Variants in SLC26A3 observed in about 807,000 individuals in gnomAD.
SLC26A3 encodes the protein chloride anion exchanger.
A neutral mutation model predicts 85.6 loss-of-function variants in SLC26A3; 64 were observed. The ratio of observed to expected loss-of-function variants is 0.75; its 90% confidence interval spans 0.61 to 0.92. The LOEUF (loss-of-function observed/expected upper bound fraction) is 0.92, where lower values mean the gene tolerates loss of function less well. SLC26A3 is among the 40% of genes least tolerant of loss of function. The pLI is 0.00. For missense variants in SLC26A3, 922 were observed against 927.3 expected, an observed-to-expected ratio of 0.99 and a Z score of 0.07; for synonymous variants, 349 against 336.0, an observed-to-expected ratio of 1.04 and a Z score of -0.42.
chr7:107,794,179 C>A (rs890799594), intron 2 of SLC26A3, among the ~76,000 whole-genome samples, 200 bp downstream of exon 2: 1 of 152,052 alleles, frequency 6.6e-6, no homozygotes, highest in Non-Finnish European at 1.5e-5. Flanking sequence ...TTGGAAAGAC[C>A]GTGTTGATAA....
At chr7:107,766,114 C>G (rs1164667483) in intron 20 of SLC26A3, among the ~76,000 whole-genome samples, 1 of 152,174 alleles carries the variant, frequency 6.6e-6, no homozygotes, top group East Asian at 1.9e-4. Context: ...CAATATCTTT[C>G]TTCACATTTA....
chr7:107,765,921 G>A lies in SLC26A3; in HGVS notation c.2272-43C>T, dbSNP rs539391486. 5.1e-6 allele frequency: 8 copies of A among 1,567,564 alleles called. No homozygotes were observed. The East Asian group carries it at 9.0e-5, about 18-fold the overall frequency. On this transcript the variant is annotated intron_variant, in intron 20 of 20. Coordinates refer to ENST00000340010, the MANE Select transcript of SLC26A3 (RefSeq NM_000111.3). ...GTTCTTGTTTTAAAATACTCGTCAA[G>A]TTCTGTTACAATAATCACATCTTAG...
chr7:107,789,689 C>T lies in SLC26A3; in HGVS notation c.571-1G>A, dbSNP rs386833485. On this transcript the variant is annotated splice_acceptor_variant, in intron 5 of 20. Coordinates refer to ENST00000340010, the MANE Select transcript of SLC26A3 (RefSeq NM_000111.3). LOFTEE classifies it high-confidence loss of function. ...CAATCCGCAGAATCCCAAAAGCCAACTGGAAAGAGAACAAAAGCCTTTGTC... is the reference window on the plus strand; with the variant it reads ...CAATCCGCAGAATCCCAAAAGCCAATTGGAAAGAGAACAAAAGCCTTTGTC... 4 of 1,612,456 alleles carry T rather than the reference C, an allele frequency of 2.5e-6. No homozygotes were observed. The Admixed American group carries it at 5.0e-5, about 20-fold the overall frequency.
At chr7:107,768,019 T>C in intron 18 of SLC26A3, 111 bp from the exon 19 acceptor site, 1 of 965,414 alleles carries the variant, frequency 1.0e-6, no homozygotes, top group Admixed American at 2.0e-5. Flanking sequence ...TTCATTGACA[T>C]TTGGTTAAGT....
In SLC26A3 at chr7:107,797,167, GGC is replaced by G. The variant is rs1491056987; in HGVS notation, c.-88-2572_-88-2571del. 3.9e-3 allele frequency among the ~76,000 whole-genome samples: 591 copies of G among 152,244 alleles called. 5 individuals are homozygous for G. Among genetic ancestry groups the G allele is most frequent in the African/African-American group, 0.013 (548 of 41,522 alleles). On this transcript the variant is annotated intron_variant, in intron 1 of 20. Coordinates refer to ENST00000340010, the MANE Select transcript of SLC26A3 (RefSeq NM_000111.3). The stretch of plus-strand genomic sequence containing the variant: ...CTCATACCCAAGCACTGCCTGCAAG[GGC>G]CCTGCTCAGGGTAGGAATCAGGGGA...
chr7:107,778,240 T>C lies in SLC26A3; in HGVS notation c.1449A>G (p.Gly483=). 6.2e-7 allele frequency: 1 copy of C among 1,613,496 alleles called. No homozygotes were observed. Among genetic ancestry groups the C allele is most frequent in the South Asian group, 1.1e-5 (1 of 91,012 alleles). ...CACTAGCTGCCAGGCCTAACCCGAG[T>C]CCCAGGACAATGGTGAAGATGAAGG... ...IMTFIFTIVL[G]LGLGLAASVA... is the part of the protein sequence containing the mutation. Residue 483 remains glycine, a synonymous_variant, in exon 13 of 21, where the codon GGA becomes GGG. Coordinates refer to ENST00000340010, the MANE Select transcript of SLC26A3 (RefSeq NM_000111.3).
chr7:107,773,859 CA>C, intron 17 of SLC26A3, 60 bp downstream of exon 17: 1 of 1,401,420 alleles, frequency 7.1e-7, no homozygotes. Context: ...CCCACAAATA[CA>C]ATTTTTTTTT....
In SLC26A3 at chr7:107,783,030, T is replaced by C. The variant is rs1794236603; in HGVS notation, c.1183A>G (p.Thr395Ala). ...CGVFRGFAGS[T>A]ALSRSAVQES... ...TGAACTGCTGATCTGGAGAGGGCAG[T>C]ACTCCCAGCAAATCCTCTGAATACT... The change falls in exon 10 of 21, where the codon ACT becomes GCT. Residue 395 changes from threonine to alanine, a missense_variant. Transcript: ENST00000340010. 1 of 1,614,094 alleles carries C rather than the reference T, an allele frequency of 6.2e-7. No homozygotes were observed. Among genetic ancestry groups the C allele is most frequent in the African/African-American group, 1.3e-5 (1 of 74,940 alleles).
rs765515301 is a variant in SLC26A3 at position 107,774,062 on chromosome 7, G to T, written c.1865C>A (p.Thr622Asn). 6.2e-7 allele frequency: 1 copy of T among 1,614,138 alleles called. No individual in the cohort carries two copies. Among genetic ancestry groups the T allele is most frequent in the African/African-American group, 1.3e-5 (1 of 75,052 alleles). Reference protein sequence around the residue: ...QIEVLDQPINTTDLPFHIDWN... With the variant: ...QIEVLDQPINNTDLPFHIDWN... ...GTCAATGTGGAAAGGCAGGTCTGTG[G>T]TATTGATTGGCTGGTCCAGTACTTC... The change falls in exon 17 of 21, where the codon ACC (threonine) becomes AAC (asparagine). Residue 622 changes from threonine (T) to asparagine (N), a missense_variant. Transcript: ENST00000340010.
intron 1 of SLC26A3, among the ~76,000 whole-genome samples, chr7:107,801,956 G>T (rs1195874980): frequency 1.3e-5 from 2 of 150,986 alleles, no homozygotes; most frequent in Non-Finnish European, 2.9e-5. Context: ...GCCAGGCACA[G>T]TGGAGCGTGC....
chr7:107,782,399 G>A (rs1203383761), intron 11 of SLC26A3, among the ~76,000 whole-genome samples: 1 of 152,196 alleles, frequency 6.6e-6, no homozygotes, highest in Non-Finnish European at 1.5e-5. Flanking sequence ...TTCAGGGTGT[G>A]TTCCTAAGAA....
At chr7:107,767,697 G>T (rs1793937452) in intron 19 of SLC26A3, 53 bp from the exon 20 acceptor site, 1 of 1,606,870 alleles carries the variant, frequency 6.2e-7, no homozygotes, top group East Asian at 2.2e-5. Context: ...TTTTAATGTT[G>T]AAAAAGAGAA....
chr7:107,797,871 T>A (rs775471663), intron 1 of SLC26A3, among the ~76,000 whole-genome samples: 1 of 152,052 alleles, frequency 6.6e-6, no homozygotes, highest in Non-Finnish European at 1.5e-5. Flanking sequence ...AGTTACATTT[T>A]TGCCAGAAAT....
intron 18 of SLC26A3, among the ~76,000 whole-genome samples, chr7:107,771,613 A>T (rs1421260418): frequency 6.6e-6 from 1 of 152,156 alleles, no homozygotes; most frequent in East Asian, 1.9e-4. Flanking sequence ...ATGCTCAGGT[A>T]AGCTGCTGCA....
At chr7:107,781,389 A>G (rs1479047397) in intron 11 of SLC26A3, among the ~76,000 whole-genome samples, 9 of 152,194 alleles carry the variant, frequency 5.9e-5, no homozygotes, top group Middle Eastern at 3.2e-3. Context: ...TGGCCTAAAA[A>G]GAACATATCA....
In SLC26A3 at chr7:107,803,115, CACAT is replaced by C. The variant is rs549855616; in HGVS notation, c.-97_-94del. 4 of 152,424 alleles carry C rather than the reference CACAT, an allele frequency of 2.6e-5. No homozygotes were observed. The highest frequency in any genetic ancestry group is 9.6e-5 in the African/African-American group (4 of 41,566). The allele number at this position is 152,424 out of a possible 1,614,324, so 9.4% of individuals were successfully genotyped here. Reference sequence around the variant, plus strand: ...AATCATAAATTTGGTTCCTACCTGACACATACTCTGTGAGGAGCTTCTGCAACAG... The same window carrying C: ...AATCATAAATTTGGTTCCTACCTGACACTCTGTGAGGAGCTTCTGCAACAG... On this transcript the variant is annotated 5_prime_UTR_variant, in exon 1 of 21. The change abolishes an upstream ATG in the 5' untranslated region. Coordinates refer to ENST00000340010, the MANE Select transcript of SLC26A3 (RefSeq NM_000111.3).
At position 107,779,849 on chromosome 7, in the gene SLC26A3, TGCTTTAAAGG is replaced by T. The variant is rs1794187053; in HGVS notation, c.1312-96_1312-87del. Reference sequence around the variant, plus strand: ...AAGGTGAAGGCTATAGATAAGTGTGTGCTTTAAAGGGCCTCAAAGCAAATCAAAGCATTAC... The same window carrying T: ...AAGGTGAAGGCTATAGATAAGTGTGTGCCTCAAAGCAAATCAAAGCATTAC... On this transcript the variant is annotated intron_variant, in intron 11 of 20. Transcript: ENST00000340010. 2.0e-5 allele frequency: 23 copies of T among 1,134,010 alleles called. 1 individual carries two copies. The South Asian group carries it at 2.4e-4, about 12-fold the overall frequency. 70.2% of individuals were successfully genotyped at this position (1,134,010 alleles called of 1,614,324 possible). A position where few individuals can be genotyped will look rare whatever the true frequency, so the allele number is the denominator to read the frequency against.
intron 20 of SLC26A3, 34 bp downstream of exon 20, chr7:107,767,545 T>G (rs771314710): frequency 1.3e-6 from 2 of 1,506,948 alleles, no homozygotes; most frequent in Non-Finnish European, 1.8e-6. Context: ...TGCTGTGATG[T>G]CTAGGTGAAG....
chr7:107,775,086 G>T (rs945023806), intron 15 of SLC26A3, among the ~76,000 whole-genome samples: 4 of 152,182 alleles, frequency 2.6e-5, no homozygotes, highest in African/African-American at 9.7e-5. Context: ...ACAGTCAAAA[G>T]CTTTTGTATA....
Sources: gnomAD v4.1 joint callset for allele counts (sites outside exome capture counted in the v4.1 genomes callset) on GRCh38, gnomAD v4.1.1 for gene constraint, MANE v1.5 for transcripts, NCBI Gene and HGNC (gene_info 2026-07-23, HGNC 2026-07-21) for gene names.